Variants in CDC42SE2 observed in about 807,000 individuals in gnomAD.
CDC42SE2 encodes the protein CDC42 small effector 2.
CDC42SE2 carries 3 observed loss-of-function variants against 11.5 expected under a neutral mutation model. The observed-to-expected ratio is 0.26, with a 90% confidence interval of 0.12 to 0.67. The LOEUF is 0.67. CDC42SE2 is among the 30% of genes least tolerant of loss of function. The pLI is 0.80. For synonymous variants in CDC42SE2, 33 were observed against 34.8 expected (o/e 0.95, Z 0.18); for missense variants, 82 against 106.8 (o/e 0.77, Z 1.02).
intron 2 of CDC42SE2, among the ~76,000 whole-genome samples, chr5:131,358,662 C>G (rs1273755339): frequency 1.3e-5 from 2 of 151,992 alleles, no homozygotes; most frequent in African/African-American, 4.8e-5. Context: ...TCTAATAGCT[C>G]GATTCACAGA....
At chr5:131,337,342 G>A (rs185180766) in intron 2 of CDC42SE2, among the ~76,000 whole-genome samples, 59 of 152,286 alleles carry the variant, frequency 3.9e-4, no homozygotes, top group African/African-American at 1.3e-3. Flanking sequence ...TTGTCTCAGA[G>A]GAGTACCCGG....
chr5:131,345,416 C>G (rs1758815916), intron 2 of CDC42SE2, among the ~76,000 whole-genome samples: 1 of 151,726 alleles, frequency 6.6e-6, no homozygotes, highest in South Asian at 2.1e-4. Flanking sequence ...GATTGAAGAT[C>G]AAATGAATGA....
intron 1 of CDC42SE2, among the ~76,000 whole-genome samples, chr5:131,265,115 G>GT (rs1756831647): frequency 6.6e-6 from 1 of 152,128 alleles, no homozygotes; most frequent in Non-Finnish European, 1.5e-5. Context: ...TCGGCAAACA[G>GT]TATGTATTTT....
intron 1 of CDC42SE2, among the ~76,000 whole-genome samples, chr5:131,248,200 C>T (rs1049607557): frequency 2.0e-5 from 3 of 151,718 alleles, no homozygotes; most frequent in East Asian, 1.9e-4. Flanking sequence ...AATACAGTGG[C>T]GCGATCCCAG....
At chr5:131,274,737 T>G (rs765709548) in intron 1 of CDC42SE2, among the ~76,000 whole-genome samples, 1 of 152,226 alleles carries the variant, frequency 6.6e-6, no homozygotes, top group Non-Finnish European at 1.5e-5. Context: ...CTCCTTGGCT[T>G]CTTCCACTCT....
the CDC42SE2 span, among the ~76,000 whole-genome samples, chr5:131,216,518 A>AAAAAAAAAAAAAAC: frequency 1.4e-5 from 2 of 146,006 alleles, no homozygotes; most frequent in African/African-American, 5.5e-5. Flanking sequence ...AAAAAAAAAA[A>AAAAAAAAAAAAAAC]AAAACATTAT....
chr5:131,274,631 A>G (rs1757064632), intron 1 of CDC42SE2, among the ~76,000 whole-genome samples: 1 of 152,222 alleles, frequency 6.6e-6, no homozygotes, highest in South Asian at 2.1e-4. Context: ...CATATCGTTT[A>G]TAAAAACCAG....
intron 1 of CDC42SE2, among the ~76,000 whole-genome samples, chr5:131,286,719 TAATG>T (rs1487873594): frequency 6.6e-6 from 1 of 152,070 alleles, no homozygotes; most frequent in African/African-American, 2.4e-5. Context: ...CTACTCCACT[TAATG>T]AATAGTAATT....
At chr5:131,263,247 CTGAG>C (rs1247457904), upstream of CDC42SE2, among the ~76,000 whole-genome samples, 2 of 152,108 alleles carry the variant, frequency 1.3e-5, no homozygotes, top group South Asian at 2.1e-4. Flanking sequence ...AGTTTTTGGC[CTGAG>C]TAACTAGAAA....
rs1355943572 is a variant in CDC42SE2 at position 131,393,353 on chromosome 5, G to C, written c.*2262G>C. The C allele has an allele frequency of 6.6e-6, 1 of 152,318 alleles. No homozygotes were observed. The highest frequency in any genetic ancestry group is 1.5e-5 in the Non-Finnish European group (1 of 68,038). 9.4% of individuals were successfully genotyped at this position (152,318 alleles called of 1,614,324 possible). A position where few individuals can be genotyped will look rare whatever the true frequency, so the allele number is the denominator to read the frequency against. ...AAATTTAATTTACCCAGTACAGCGG[G>C]GCACCAGATTACTTGATCTTTGTAT... On this transcript the variant is annotated 3_prime_UTR_variant, in exon 5 of 5. Transcript: ENST00000505065.
At position 131,393,922 on chromosome 5, in the gene CDC42SE2, T is replaced by A. The variant is rs3488; in HGVS notation, c.*2831T>A. 19,023 of 149,386 alleles carry A rather than the reference T, an allele frequency of 0.13. 2,815 individuals are homozygous for A. Among genetic ancestry groups the A allele is most frequent in the African/African-American group, 0.36 (14,626 of 40,568 alleles). 9.3% of individuals were successfully genotyped at this position (149,386 alleles called of 1,614,324 possible). On this transcript the variant is annotated 3_prime_UTR_variant, in exon 5 of 5. Transcript: ENST00000505065. Reference sequence around the variant, plus strand: ...TGGACTTGTCAGCCTATAACTACTCTGCAGCTGCCACTAACTCTACAGGCA... The same window carrying A: ...TGGACTTGTCAGCCTATAACTACTCAGCAGCTGCCACTAACTCTACAGGCA...
At position 131,358,020 on chromosome 5, in the gene CDC42SE2, C is replaced by T. The variant is rs114513252; in HGVS notation, c.-285-1189C>T. Among the ~76,000 whole-genome samples, 175 of 152,268 alleles carry T rather than the reference C, an allele frequency of 1.1e-3. 1 individual carries two copies. Among genetic ancestry groups the T allele is most frequent in the African/African-American group, 4.1e-3 (172 of 41,550 alleles). ...TTTCCTCTTCTAATTCTGGTAACAC[C>T]CAAACCTCCTTAGTAGACTTCTCTT... is the stretch of plus-strand genomic sequence containing the variant. On this transcript the variant is annotated intron_variant, in intron 2 of 4. Coordinates refer to ENST00000505065, the MANE Select transcript of CDC42SE2 (RefSeq NM_001375635.1).
intron 1 of CDC42SE2, among the ~76,000 whole-genome samples, chr5:131,266,449 CTTTTTTTTTTCTTTTTT>C (rs980309444): frequency 1.4e-5 from 2 of 139,736 alleles, no homozygotes; most frequent in African/African-American, 5.2e-5. Flanking sequence ...CGGCTATTAG[CTTTTTTTTTTCTTTTTT>C]TTTTTTTTTT....
intron 1 of CDC42SE2, among the ~76,000 whole-genome samples, chr5:131,314,506 G>A (rs544719020): frequency 6.6e-6 from 1 of 152,220 alleles, no homozygotes; most frequent in South Asian, 2.1e-4. Context: ...CTCCCAGAGT[G>A]CTGGGATTAT....
chr5:131,360,453 G>A (rs1749675250), intron 3 of CDC42SE2, among the ~76,000 whole-genome samples: 1 of 152,056 alleles, frequency 6.6e-6, no homozygotes, highest in Non-Finnish European at 1.5e-5. Context: ...TAAATAAAAT[G>A]TTACTTACAT....
At chr5:131,336,124 G>A (rs1758554664) in intron 2 of CDC42SE2, among the ~76,000 whole-genome samples, 1 of 152,128 alleles carries the variant, frequency 6.6e-6, no homozygotes, top group South Asian at 2.1e-4. Context: ...TCCTTTCCAT[G>A]TTTAGTGCTT....
intron 2 of CDC42SE2, among the ~76,000 whole-genome samples, chr5:131,318,518 T>C (rs951789440): frequency 1.3e-5 from 2 of 152,170 alleles, no homozygotes; most frequent in Admixed American, 1.3e-4. Flanking sequence ...AATTTCAACC[T>C]GAAAACATAG....
chr5:131,235,169 G>A, the CDC42SE2 span, among the ~76,000 whole-genome samples: 3 of 152,068 alleles, frequency 2.0e-5, no homozygotes, highest in Admixed American at 6.5e-5. Context: ...GATTACAGGC[G>A]TGAGCCACCG....
At chr5:131,343,741 G>T (rs1758768404) in intron 2 of CDC42SE2, among the ~76,000 whole-genome samples, 1 of 150,954 alleles carries the variant, frequency 6.6e-6, no homozygotes, top group South Asian at 2.1e-4. Flanking sequence ...AGAGAGAGAT[G>T]GAAGAGGCAG....
Sources: gnomAD v4.1 joint callset for allele counts (sites outside exome capture counted in the v4.1 genomes callset) on GRCh38, gnomAD v4.1.1 for gene constraint, MANE v1.5 for transcripts, NCBI Gene and HGNC (gene_info 2026-07-23, HGNC 2026-07-21) for gene names.